Variants in DPYD observed in about 807,000 individuals in gnomAD.
The protein encoded by DPYD is dihydropyrimidine dehydrogenase, also known as dihydropyrimidine dehydrogenase [NADP(+)].
A neutral mutation model predicts 116.2 loss-of-function variants in DPYD; 109 were observed. The ratio of observed to expected loss-of-function variants is 0.94; its 90% confidence interval spans 0.80 to 1.10. The LOEUF is 1.10. Among genes scored for constraint, DPYD ranks in the 50% least tolerant of loss-of-function variants. The pLI is 0.00. For missense variants in DPYD, 1,302 were observed against 1,254.5 expected, an observed-to-expected ratio of 1.04 and a Z score of -0.57; for synonymous variants, 440 against 432.0, an observed-to-expected ratio of 1.02 and a Z score of -0.23.
intron 16 of DPYD, among the ~76,000 whole-genome samples, chr1:97,336,412 G>A (rs1023484691): frequency 3.3e-5 from 5 of 152,172 alleles, no homozygotes; most frequent in African/African-American, 1.2e-4. Flanking sequence ...TTCTCAATAA[G>A]TGTTTGTAGA....
chr1:97,212,440 C>T (rs865894270), intron 19 of DPYD, among the ~76,000 whole-genome samples: 1 of 152,014 alleles, frequency 6.6e-6, no homozygotes, highest in Non-Finnish European at 1.5e-5. Context: ...TATGGATGTA[C>T]CACCACATTT....
chr1:97,410,374 G>A (rs990411408), intron 14 of DPYD, among the ~76,000 whole-genome samples: 1 of 152,084 alleles, frequency 6.6e-6, no homozygotes, highest in Non-Finnish European at 1.5e-5. Flanking sequence ...TAATTTGGTT[G>A]CCATACTTAT....
chr1:97,572,334 A>C (rs569832067), intron 11 of DPYD, among the ~76,000 whole-genome samples: 215 of 152,018 alleles, frequency 1.4e-3, no homozygotes, highest in African/African-American at 5.1e-3. Flanking sequence ...GCACACACAC[A>C]CAAGCACAAG....
intron 8 of DPYD, among the ~76,000 whole-genome samples, chr1:97,662,161 C>T (rs928160102): frequency 5.3e-5 from 8 of 151,060 alleles, no homozygotes; most frequent in Non-Finnish European, 1.0e-4. Flanking sequence ...CCACCACATC[C>T]GGCTAATTTT....
chr1:97,765,293 T>G (rs1665786963), intron 3 of DPYD, among the ~76,000 whole-genome samples: 1 of 152,212 alleles, frequency 6.6e-6, no homozygotes, highest in Non-Finnish European at 1.5e-5. Context: ...ATCTAATCCA[T>G]TTATCAACAA....
chr1:97,594,959 T>G, intron 9 of DPYD, 100 bp downstream of exon 9: 3 of 929,442 alleles, frequency 3.2e-6, no homozygotes, highest in East Asian at 2.9e-5. Flanking sequence ...AGGTTGGGTG[T>G]GAGAGCTGAA....
chr1:97,514,661 T>C (rs1192570845), intron 13 of DPYD, among the ~76,000 whole-genome samples: 5 of 151,842 alleles, frequency 3.3e-5, no homozygotes, highest in Non-Finnish European at 7.4e-5. Context: ...TTTGAAAAAA[T>C]AACTTCTCTT....
At chr1:97,181,670 A>G (rs1004211041) in intron 20 of DPYD, among the ~76,000 whole-genome samples, 2 of 152,156 alleles carry the variant, frequency 1.3e-5, no homozygotes, top group African/African-American at 4.8e-5. Flanking sequence ...ATCTGCACAA[A>G]GCAGAGAAGG....
rs1653088758 is a variant in DPYD at position 97,573,923 on chromosome 1, G to T, written c.1176C>A (p.Ser392=). The part of the protein sequence containing the change: ...EEKCEFLPFL[S]PRKVIVKGGR... ...CACCTTTTACTATAACCTTCCGTGG[G>T]GACAGGAATGGCAGAAATTCACACT... Residue 392 remains serine, a synonymous_variant, in exon 11 of 23, where the codon TCC becomes TCA. Transcript: ENST00000370192. The T allele has an allele frequency of 1.9e-6, 3 of 1,613,566 alleles. No homozygotes were observed. The highest frequency in any genetic ancestry group is 1.1e-5 in the South Asian group (1 of 91,068).
chr1:97,541,273 T>A (rs1650432783), intron 12 of DPYD, among the ~76,000 whole-genome samples: 1 of 152,218 alleles, frequency 6.6e-6, no homozygotes, highest in South Asian at 2.1e-4. Flanking sequence ...ATTAGTTATA[T>A]GGATGCAAAA....
chr1:97,150,223 A>G (rs1489792828), intron 20 of DPYD, among the ~76,000 whole-genome samples: 1 of 151,978 alleles, frequency 6.6e-6, no homozygotes, highest in African/African-American at 2.4e-5. Context: ...TTTTCTTCTA[A>G]GCATGCCTTT....
intron 2 of DPYD, among the ~76,000 whole-genome samples, chr1:97,881,819 C>T (rs1443335922): frequency 6.6e-6 from 1 of 151,092 alleles, no homozygotes; most frequent in Non-Finnish European, 1.5e-5. Flanking sequence ...TCTTTAAGGG[C>T]TTTCTAAGTT....
At chr1:97,308,580 T>C (rs1667300333) in intron 16 of DPYD, among the ~76,000 whole-genome samples, 1 of 151,856 alleles carries the variant, frequency 6.6e-6, no homozygotes. Context: ...GTCAATAACA[T>C]CATGAAATGA....
intron 21 of DPYD, among the ~76,000 whole-genome samples, chr1:97,089,505 T>C (rs766602976): frequency 1.2e-4 from 19 of 152,178 alleles, no homozygotes; most frequent in Non-Finnish European, 2.5e-4. Flanking sequence ...AGAAGGTCCT[T>C]GTTCATCTTT....
chr1:97,344,563 C>A (rs1217977129), intron 16 of DPYD, among the ~76,000 whole-genome samples: 2 of 150,932 alleles, frequency 1.3e-5, no homozygotes. Context: ...CAATTTTTTT[C>A]TCTTTACATT....
At chr1:97,085,020 A>C (rs935339719) in intron 21 of DPYD, among the ~76,000 whole-genome samples, 7 of 152,292 alleles carry the variant, frequency 4.6e-5, no homozygotes, top group African/African-American at 1.4e-4. Context: ...ATTTTTATTG[A>C]TATGAGTATT....
intron 8 of DPYD, among the ~76,000 whole-genome samples, chr1:97,620,441 C>A (rs1656566776): frequency 6.6e-6 from 1 of 152,172 alleles, no homozygotes; most frequent in African/African-American, 2.4e-5. Context: ...GTCTCAAACT[C>A]CTGGCCTCAA....
chr1:97,500,702 C>G (rs1051116584), intron 13 of DPYD, among the ~76,000 whole-genome samples: 3 of 152,014 alleles, frequency 2.0e-5, no homozygotes, highest in Admixed American at 6.6e-5. Flanking sequence ...CTTTTACTCA[C>G]GTAATTTAGG....
At chr1:97,358,419 A>T (rs1470691161) in intron 16 of DPYD, among the ~76,000 whole-genome samples, 1 of 152,170 alleles carries the variant, frequency 6.6e-6, no homozygotes, top group East Asian at 1.9e-4. Flanking sequence ...AGACTTAAAC[A>T]TCCCTGTCTG....
Sources: gnomAD v4.1 joint callset for allele counts (sites outside exome capture counted in the v4.1 genomes callset) on GRCh38, gnomAD v4.1.1 for gene constraint, MANE v1.5 for transcripts, NCBI Gene and HGNC (gene_info 2026-07-23, HGNC 2026-07-21) for gene names.